The following SEZ6L variants were observed in gnomAD, a reference collection of about 807,000 sequenced individuals.
SEZ6L encodes seizure related 6 homolog like, also known as seizure 6-like protein.
Under a neutral mutation model 106.2 loss-of-function variants are expected in SEZ6L, and 37 were observed. The ratio of observed to expected loss-of-function variants is 0.35; its 90% CI spans 0.27 to 0.46. The LOEUF is 0.46. Among genes scored for constraint, SEZ6L ranks in the 20% least tolerant of loss-of-function variants. SEZ6L has a pLI of 1.00. For synonymous variants in SEZ6L, 541 were observed against 570.4 expected (o/e 0.95, Z 0.73); for missense variants, 1,172 against 1,332.8 (o/e 0.88, Z 1.88).
chr22:26,177,189 AT>A (rs1569355246), intron 1 of SEZ6L, among the ~76,000 whole-genome samples: 1 of 152,274 alleles, frequency 6.6e-6, no homozygotes, highest in South Asian at 2.1e-4. Context: ...ATAAACCTTG[AT>A]TTTTTATCTG....
At chr22:26,323,890 A>G (rs1016569394) in intron 9 of SEZ6L, among the ~76,000 whole-genome samples, 4 of 151,992 alleles carry the variant, frequency 2.6e-5, no homozygotes, top group Admixed American at 6.6e-5. Context: ...TCACTCTCCA[A>G]TGCAATATCA....
chr22:26,365,589 C>T (rs752886125), intron 13 of SEZ6L, 23 bp downstream of exon 13: 4 of 1,599,706 alleles, frequency 2.5e-6, no homozygotes, highest in South Asian at 1.1e-5. Flanking sequence ...ACTCACCACA[C>T]AGGGTCCACG....
At position 26,326,463 on chromosome 22, in the gene SEZ6L, C is replaced by T. The variant is rs142462067; in HGVS notation, c.2015+12561C>T. Reference sequence around the variant, plus strand: ...TGGATTACTGTGGTGCCAAAATACTCACGTGCCCTTACCTTTGTGCCAAGC... The same window carrying T: ...TGGATTACTGTGGTGCCAAAATACTTACGTGCCCTTACCTTTGTGCCAAGC... On this transcript the variant is annotated intron_variant, in intron 9 of 16. Coordinates refer to ENST00000248933, the MANE Select transcript of SEZ6L (RefSeq NM_021115.5). Among the ~76,000 whole-genome samples the T allele has an allele frequency of 1.0e-3, 153 of 152,334 alleles. 1 individual carries two copies. The highest frequency in any genetic ancestry group is 1.8e-3 in the Non-Finnish European group (122 of 68,022).
intron 1 of SEZ6L, among the ~76,000 whole-genome samples, chr22:26,249,929 G>T (rs2079511427): frequency 6.6e-6 from 1 of 152,112 alleles, no homozygotes; most frequent in African/African-American, 2.4e-5. Context: ...TAGGGATGTT[G>T]AACATTTTTT....
intron 1 of SEZ6L, among the ~76,000 whole-genome samples, chr22:26,279,448 C>T (rs1467851959): frequency 6.6e-6 from 1 of 152,158 alleles, no homozygotes; most frequent in East Asian, 1.9e-4. Flanking sequence ...GTGACCCCAT[C>T]CTCCTTCTCT....
chr22:26,329,790 G>A (rs1013983760), intron 9 of SEZ6L, among the ~76,000 whole-genome samples: 1 of 152,202 alleles, frequency 6.6e-6, no homozygotes, highest in Non-Finnish European at 1.5e-5. Context: ...CCACCTGACT[G>A]TGTGGGTGAG....
chr22:26,211,184 T>C (rs2078146848), intron 1 of SEZ6L, among the ~76,000 whole-genome samples: 1 of 152,208 alleles, frequency 6.6e-6, no homozygotes, highest in Non-Finnish European at 1.5e-5. Flanking sequence ...GGGTCTGTAC[T>C]GTTGTGATGG....
At chr22:26,312,333 A>G (rs923418128) in intron 8 of SEZ6L, among the ~76,000 whole-genome samples, 5 of 152,246 alleles carry the variant, frequency 3.3e-5, no homozygotes, top group African/African-American at 1.2e-4. Context: ...GTGTGTAATA[A>G]TTATGCTACC....
intron 1 of SEZ6L, among the ~76,000 whole-genome samples, chr22:26,275,292 A>G (rs2080506988): frequency 6.6e-6 from 1 of 152,200 alleles, no homozygotes; most frequent in South Asian, 2.1e-4. Context: ...TTTCATTATA[A>G]AATAGGATTT....
chr22:26,272,723 ATGAATT>A (rs1271447257), intron 1 of SEZ6L, among the ~76,000 whole-genome samples: 10 of 152,312 alleles, frequency 6.6e-5, no homozygotes, highest in African/African-American at 2.4e-4. Flanking sequence ...GGATGAATGA[ATGAATT>A]CATGAGTGAA....
At chr22:26,365,611 T>G (rs781502383) in intron 13 of SEZ6L, 45 bp downstream of exon 13, 2 of 1,532,706 alleles carry the variant, frequency 1.3e-6, no homozygotes, top group East Asian at 2.3e-5. Context: ...GGCCTGGAGA[T>G]GTCAGGCTCC....
chr22:26,292,192 G>A, intron 1 of SEZ6L: 2 of 498,642 alleles, frequency 4.0e-6, no homozygotes, highest in East Asian at 6.4e-5. Flanking sequence ...AGGAGGGAGG[G>A]TGGGAGGAAA....
At chr22:26,327,660 C>A (rs117269730) in intron 9 of SEZ6L, among the ~76,000 whole-genome samples, 15,524 of 147,942 alleles carry the variant, frequency 0.1, 1,096 homozygotes, top group Admixed American at 0.24. Flanking sequence ...CACACCACGC[C>A]CACACCACAT....
At chr22:26,305,495 A>C (rs573257592) in intron 5 of SEZ6L, among the ~76,000 whole-genome samples, 2 of 152,344 alleles carry the variant, frequency 1.3e-5, no homozygotes, top group South Asian at 4.1e-4. Context: ...TTGGCCGATT[A>C]GGTGGATGAA....
chr22:26,283,465 A>C (rs1049911761), intron 1 of SEZ6L, among the ~76,000 whole-genome samples: 2 of 152,222 alleles, frequency 1.3e-5, no homozygotes, highest in African/African-American at 2.4e-5. Flanking sequence ...TGGTGGTAGA[A>C]TACTAATGTA....
chr22:26,241,893 C>T (rs1400750690), intron 1 of SEZ6L, among the ~76,000 whole-genome samples: 1 of 152,066 alleles, frequency 6.6e-6, no homozygotes, highest in Admixed American at 6.6e-5. Flanking sequence ...GCTAGGCTCC[C>T]TTAAGGTTTA....
chr22:26,329,195 C>T (rs1432319562), intron 9 of SEZ6L, among the ~76,000 whole-genome samples: 1 of 152,082 alleles, frequency 6.6e-6, no homozygotes, highest in Non-Finnish European at 1.5e-5. Context: ...AGGCTGGGCA[C>T]GGTGGCTCAA....
At chr22:26,270,770 G>A (rs1261314033) in intron 1 of SEZ6L, among the ~76,000 whole-genome samples, 2 of 152,140 alleles carry the variant, frequency 1.3e-5, no homozygotes, top group Non-Finnish European at 1.5e-5. Flanking sequence ...TGGCTGTCAA[G>A]GAAAACCCCT....
chr22:26,354,038 T>C (rs1268371288), intron 12 of SEZ6L, among the ~76,000 whole-genome samples: 1 of 150,372 alleles, frequency 6.7e-6, no homozygotes, highest in Admixed American at 6.6e-5. Context: ...TTGGACAGAG[T>C]GTCTTCGACA....
Sources: gnomAD v4.1 joint callset for allele counts (sites outside exome capture counted in the v4.1 genomes callset) on GRCh38, gnomAD v4.1.1 for gene constraint, MANE v1.5 for transcripts, NCBI Gene and HGNC (gene_info 2026-07-23, HGNC 2026-07-21) for gene names.